The following IPO13 variants were observed in gnomAD, a reference collection of about 807,000 sequenced individuals.
IPO13 encodes importin 13, also known as importin-13.
Under a neutral mutation model 115.5 loss-of-function variants are expected in IPO13, and 28 were observed. The observed-to-expected ratio is 0.24, with a 90% confidence interval of 0.18 to 0.33. IPO13 has a LOEUF of 0.33. Ranked by LOEUF, IPO13 falls within the 10% of genes least tolerant of loss-of-function variation. The pLI is 1.00. For synonymous variants in IPO13, 414 were observed against 478.9 expected (o/e 0.86, Z 1.77); for missense variants, 785 against 1,204.6 (o/e 0.65, Z 5.16).
chr1:43,950,784 T>A (rs1197291565), intron 2 of IPO13, among the ~76,000 whole-genome samples: 7 of 152,232 alleles, frequency 4.6e-5, no homozygotes. Context: ...TCATTACATA[T>A]ACTTGACACC....
At chr1:43,959,626 C>T (rs2085276206) in intron 11 of IPO13, among the ~76,000 whole-genome samples, 1 of 152,194 alleles carries the variant, frequency 6.6e-6, no homozygotes, top group Non-Finnish European at 1.5e-5. Flanking sequence ...CCAGATTTCT[C>T]CAGGAGAAAA....
At chr1:43,963,806 C>G (rs2085304912) in intron 14 of IPO13, among the ~76,000 whole-genome samples, 1 of 152,202 alleles carries the variant, frequency 6.6e-6, no homozygotes, top group South Asian at 2.1e-4. Context: ...CTCAGATAAA[C>G]CTCAAAAGGA....
At chr1:43,947,765 G>T (rs1571759921) in intron 1 of IPO13, 81 bp downstream of exon 1, 19 of 834,166 alleles carry the variant, frequency 2.3e-5, no homozygotes, top group Non-Finnish European at 3.1e-5. Context: ...CTCAGGCCTG[G>T]GCTGGGTGCC....
chr1:43,967,436 G>A lies in IPO13; in HGVS notation c.2735G>A (p.Gly912Asp), dbSNP rs1386336576. The part of the protein sequence containing the change: ...MWIKEALQPP[G>D]FPSARLSPEQ... ...ATCAAGGAGGCCCTGCAGCCACCTG[G>A]TTTCCCCTCTGCCCGCCTCAGCCCT... Residue 912 changes from glycine (G) to aspartate (D), a missense_variant, in exon 19 of 20, where the codon GGT (glycine) becomes GAT (aspartate). Transcript: ENST00000372343. This position sits in a 1 kb window ranked among gnomAD's most constrained non-coding sequence, Gnocchi z 6.1. The A allele has an allele frequency of 6.2e-7, 1 of 1,614,010 alleles. No individual in the cohort carries two copies. The highest frequency in any genetic ancestry group is 8.5e-7 in the Non-Finnish European group (1 of 1,180,036).
At position 43,958,181 on chromosome 1, in the gene IPO13, G is replaced by GC. The variant is rs772166969; in HGVS notation, c.1722+24dup. On this transcript the variant is annotated intron_variant, in intron 8 of 19. Coordinates refer to ENST00000372343, the MANE Select transcript of IPO13 (RefSeq NM_014652.4). This position sits in a 1 kb window ranked among gnomAD's most constrained non-coding sequence, Gnocchi z 6.3. ...CAGGTATGCAGGGGCCCTGGATGGTGCTGGGCCTCAGAGCACACTCTGCAC... is the reference window on the plus strand; with the variant it reads ...CAGGTATGCAGGGGCCCTGGATGGTGCCTGGGCCTCAGAGCACACTCTGCAC... 1.2e-6 allele frequency: 2 copies of GC among 1,613,802 alleles called. No homozygotes were observed. Among genetic ancestry groups the GC allele is most frequent in the East Asian group, 4.5e-5 (2 of 44,872 alleles).
intron 2 of IPO13, chr1:43,953,445 C>T (rs1487315209): frequency 6.6e-6 from 1 of 152,280 alleles, no homozygotes; most frequent in African/African-American, 2.4e-5. Context: ...CACAGGTGCT[C>T]AGGTGGTAGG....
Position 43,956,302 on chromosome 1 carries a change from C to G in IPO13, c.822-18C>G, listed in dbSNP as rs2154302216. On this transcript the variant is annotated intron_variant, in intron 2 of 19. Transcript: ENST00000372343. This position sits in a 1 kb window ranked among gnomAD's most constrained non-coding sequence, Gnocchi z 4.7. ...TGAGCAGAGAGCTCTGATGGATTTT[C>G]TCACCTCATGCCTCTAGGTACGTGA... The G allele has an allele frequency of 1.9e-6, 3 of 1,613,776 alleles. No homozygotes were observed. The highest frequency in any genetic ancestry group is 4.5e-5 in the East Asian group (2 of 44,872).
Position 43,966,629 on chromosome 1 carries a change from G to A in IPO13, c.2452G>A (p.Val818Met). 1.2e-6 allele frequency: 2 copies of A among 1,614,210 alleles called. No individual in the cohort carries two copies. Among genetic ancestry groups the A allele is most frequent in the South Asian group, 2.2e-5 (2 of 91,090 alleles). ...FLCERLDVKA[V>M]FQCAVLALKF... ...GTGTGAACGATTGGATGTCAAAGCT[G>A]TGTTCCAGTGTGGTAAGTGGGGCGA... Residue 818 changes from valine to methionine, a missense_variant, in exon 16 of 20, where the codon GTG becomes ATG. Around this residue, in one of 3 missense-constraint regions of IPO13, gnomAD observed 285 missense variants for 394.8 expected, o/e 0.72. Coordinates refer to ENST00000372343, the MANE Select transcript of IPO13 (RefSeq NM_014652.4). This position sits in a 1 kb window ranked among gnomAD's most constrained non-coding sequence, Gnocchi z 4.1.
In IPO13 at chr1:43,960,299, C is replaced by T. The variant is rs1245657219; in HGVS notation, c.2079C>T (p.Ser693=). The stretch of plus-strand genomic sequence containing the variant: ...TCCAGCTTATCCAGAAGGTGCTGAG[C>T]AAATGGTTGAATGATGCCCAGGTTG... ...QVFQLIQKVL[S]KWLNDAQVVE... is the part of the protein sequence containing the mutation. The change falls in exon 12 of 20, where the codon AGC becomes AGT. Residue 693 remains serine, a synonymous_variant. Coordinates refer to ENST00000372343, the MANE Select transcript of IPO13 (RefSeq NM_014652.4). The T allele has an allele frequency of 8.1e-6, 13 of 1,614,136 alleles. No individual in the cohort carries two copies. The highest frequency in any genetic ancestry group is 1.0e-5 in the Non-Finnish European group (12 of 1,180,016).
chr1:43,955,440 A>G (rs1040392903), intron 2 of IPO13, among the ~76,000 whole-genome samples: 2 of 152,224 alleles, frequency 1.3e-5, no homozygotes. Flanking sequence ...TGTGAAGGAT[A>G]GAAGTCTGAA....
chr1:43,954,038 A>G (rs773087471), intron 2 of IPO13, among the ~76,000 whole-genome samples: 1 of 152,232 alleles, frequency 6.6e-6, no homozygotes, highest in Non-Finnish European at 1.5e-5. Context: ...GAGACAAATG[A>G]AGAACATTTG....
chr1:43,957,876 C>A, intron 7 of IPO13, 101 bp from the exon 8 acceptor site: 1 of 1,119,586 alleles, frequency 8.9e-7, no homozygotes, highest in Non-Finnish European at 1.3e-6. Context: ...TGTGCTGGGG[C>A]TGCAACTTGA....
Position 43,967,940 on chromosome 1 carries a change from A to G in IPO13, c.*258A>G. ...AGCCACCTAGGCTGGAGCCCTTCAGAATACTGTCATTGTCCTTGGGGCGGG... is the reference window on the plus strand; with the variant it reads ...AGCCACCTAGGCTGGAGCCCTTCAGGATACTGTCATTGTCCTTGGGGCGGG... On this transcript the variant is annotated 3_prime_UTR_variant, in exon 20 of 20. Transcript: ENST00000372343. This position sits in a 1 kb window ranked among gnomAD's most constrained non-coding sequence, Gnocchi z 6.1. The G allele has an allele frequency of 1.8e-6, 1 of 568,416 alleles. No homozygotes were observed. Among genetic ancestry groups the G allele is most frequent in the Non-Finnish European group, 3.2e-6 (1 of 317,376 alleles). 35.2% of individuals were successfully genotyped at this position (568,416 alleles called of 1,614,324 possible).
In IPO13 at chr1:43,960,349, C is replaced by T. The variant is rs767996885; in HGVS notation, c.2109+20C>T. 20 of 1,606,348 alleles carry T rather than the reference C, an allele frequency of 1.2e-5. No individual in the cohort carries two copies. The highest frequency in any genetic ancestry group is 1.7e-5 in the Non-Finnish European group (20 of 1,173,048). ...GTGGAGGTGAGCCCTGACCCTTGCC[C>T]TCCGCTCCCATAGTGACTGCTCAGA... On this transcript the variant is annotated intron_variant, in intron 12 of 19. Coordinates refer to ENST00000372343, the MANE Select transcript of IPO13 (RefSeq NM_014652.4).
intron 14 of IPO13, 104 bp downstream of exon 14, chr1:43,961,366 G>T: frequency 2.2e-6 from 2 of 900,674 alleles, no homozygotes; most frequent in East Asian, 4.8e-5. Context: ...TGTCCCCTGA[G>T]TCACACGTGG....
intron 5 of IPO13, 101 bp downstream of exon 5, chr1:43,957,077 TTC>T: frequency 6.4e-7 from 1 of 1,562,882 alleles, no homozygotes; most frequent in Non-Finnish European, 8.7e-7. Context: ...TGGTGCTCCT[TTC>T]TGTTTTCTAG....
rs2085177670 is a variant in IPO13, at chr1:43,947,774, C to CCCGCTGGTAT, written c.84+91_84+100dup. ...GCAGAGCTCAGGCCTGGGCTGGGTG[C>CCCGCTGGTAT]CCGCTGGTATGGTGCCCCCAGAGCA... On this transcript the variant is annotated intron_variant, in intron 1 of 19. Coordinates refer to ENST00000372343, the MANE Select transcript of IPO13 (RefSeq NM_014652.4). 9 of 730,592 alleles carry CCCGCTGGTAT rather than the reference C, an allele frequency of 1.2e-5. No homozygotes were observed. The South Asian group carries it at 4.3e-4, about 35-fold the overall frequency. The allele number at this position is 730,592 out of a possible 1,614,324, so 45.3% of individuals were successfully genotyped here.
chr1:43,958,573 T>C lies in IPO13; in HGVS notation c.1862T>C (p.Leu621Pro). The change falls in exon 10 of 20, where the codon CTG becomes CCG. Residue 621 changes from leucine (L) to proline (P), a missense_variant. By Grantham distance (98) the Leu-to-Pro change is moderately conservative. Coordinates refer to ENST00000372343, the MANE Select transcript of IPO13 (RefSeq NM_014652.4). This position sits in a 1 kb window ranked among gnomAD's most constrained non-coding sequence, Gnocchi z 6.3. ...HSLISPYIQQ[L>P]EKLAEEIPNP... is the part of the protein sequence containing the mutation. ...CTTATCTCACCCTATATCCAGCAAC[T>C]GGAGAAGCTGGCAGAGGAGATAGTG... is the stretch of plus-strand genomic sequence containing the variant. The C allele has an allele frequency of 6.2e-7, 1 of 1,614,012 alleles. No homozygotes were observed. Among genetic ancestry groups the C allele is most frequent in the Non-Finnish European group, 8.5e-7 (1 of 1,179,996 alleles).
At chr1:43,959,421 C>T (rs143445621) in intron 11 of IPO13, among the ~76,000 whole-genome samples, 43 of 152,290 alleles carry the variant, frequency 2.8e-4, no homozygotes, top group African/African-American at 9.9e-4. Context: ...TTTGGGGTGA[C>T]CACTTACAAG....
Sources: allele counts gnomAD v4.1 joint callset (sites outside exome capture counted in the v4.1 genomes callset), GRCh38; gene constraint gnomAD v4.1.1; regional missense constraint gnomAD v4.1.1; non-coding constraint Gnocchi (gnomAD v3.1); transcripts MANE v1.5; gene names NCBI Gene and HGNC (gene_info 2026-07-23, HGNC 2026-07-21).